BANK1: variants seen among roughly 807,000 people sequenced by gnomAD.
The protein encoded by BANK1 is B cell scaffold protein with ankyrin repeats 1, also known as B-cell scaffold protein with ankyrin repeats.
Under a neutral mutation model 94.5 loss-of-function variants are expected in BANK1, and 95 were observed. The observed-to-expected ratio is 1.00, with a 90% confidence interval of 0.85 to 1.19. The LOEUF (loss-of-function observed/expected upper bound fraction) is 1.19. BANK1 is among the 50% of genes most tolerant of loss of function. The pLI, the probability that BANK1 is intolerant of heterozygous loss-of-function variation, is 0.00. For synonymous variants in BANK1, 334 were observed against 308.4 expected, an observed-to-expected ratio of 1.08 and a Z score of -0.87; for missense variants, 987 against 932.2, an observed-to-expected ratio of 1.06 and a Z score of -0.77.
chr4:102,000,826 G>C (rs542438319), intron 7 of BANK1, among the ~76,000 whole-genome samples: 3 of 152,278 alleles, frequency 2.0e-5, no homozygotes, highest in East Asian at 3.9e-4. Flanking sequence ...TTTTCACCTT[G>C]TGCAAATCGA....
chr4:101,903,496 T>C lies in BANK1; in HGVS notation c.1009+8086T>C, dbSNP rs533431417. 1.2e-4 allele frequency among the ~76,000 whole-genome samples: 19 copies of C among 152,338 alleles called. No individual in the cohort carries two copies. The South Asian group carries it at 2.5e-3, about 20-fold the overall frequency. ...AAAGCCAGTCTACTACGTCATGTTC[T>C]TGGACAATAACACCAGTAGGTGAAT... On this transcript the variant is annotated intron_variant, in intron 6 of 16. Transcript: ENST00000322953.
chr4:101,831,202 T>C (rs941432686), intron 2 of BANK1, among the ~76,000 whole-genome samples: 3 of 152,108 alleles, frequency 2.0e-5, no homozygotes, highest in Non-Finnish European at 4.4e-5. Flanking sequence ...CCGGACAAAC[T>C]CTGGGCATAC....
intron 5 of BANK1, among the ~76,000 whole-genome samples, chr4:101,888,732 A>G (rs73836628): frequency 2.2e-3 from 329 of 152,358 alleles, no homozygotes; most frequent in African/African-American, 7.5e-3. Flanking sequence ...GATAGCTTAT[A>G]TAGAGCCTGG....
chr4:102,030,408 TG>T, intron 10 of BANK1, 143 bp downstream of exon 10: 1 of 759,858 alleles, frequency 1.3e-6, no homozygotes, highest in Non-Finnish European at 2.0e-6. Flanking sequence ...TAAGCTATAC[TG>T]GCTCATTTTT....
intron 4 of BANK1, among the ~76,000 whole-genome samples, chr4:101,864,800 G>C (rs1728006917): frequency 6.6e-6 from 1 of 152,114 alleles, no homozygotes; most frequent in African/African-American, 2.4e-5. Context: ...ATGAACTAGT[G>C]GTAACAGGCT....
intron 10 of BANK1, among the ~76,000 whole-genome samples, chr4:102,041,343 T>A (rs1028136532): frequency 2.6e-5 from 4 of 152,040 alleles, no homozygotes; most frequent in Admixed American, 6.6e-5. Context: ...CCTTGACAGG[T>A]GTGTTTGCTT....
intron 1 of BANK1, among the ~76,000 whole-genome samples, chr4:101,791,908 C>G (rs1401425817): frequency 6.6e-6 from 1 of 152,160 alleles, no homozygotes; most frequent in Non-Finnish European, 1.5e-5. Flanking sequence ...GAGCCCATAA[C>G]TTAATATTAT....
chr4:101,958,567 C>T (rs895308700), intron 7 of BANK1, among the ~76,000 whole-genome samples: 1 of 149,136 alleles, frequency 6.7e-6, no homozygotes, highest in Non-Finnish European at 1.5e-5. Context: ...CAAAGGACTA[C>T]TTTTCTATTC....
intron 7 of BANK1, among the ~76,000 whole-genome samples, chr4:101,962,222 C>A (rs988331908): frequency 6.6e-5 from 10 of 152,164 alleles, no homozygotes; most frequent in Non-Finnish European, 1.5e-4. Flanking sequence ...TACCAAGTGA[C>A]ATGGTTCAAC....
intron 7 of BANK1, among the ~76,000 whole-genome samples, chr4:101,959,144 GT>G (rs11419464): frequency 9.8e-4 from 146 of 148,800 alleles, no homozygotes; most frequent in African/African-American, 3.2e-3. Context: ...GTTTGTTTTT[GT>G]TTTTTTTTTG....
intron 6 of BANK1, among the ~76,000 whole-genome samples, chr4:101,902,840 G>T (rs1395887311): frequency 2.0e-5 from 3 of 152,216 alleles, no homozygotes; most frequent in Admixed American, 2.0e-4. Context: ...TTTAGTCAAA[G>T]GTCCTGGAAG....
chr4:102,030,050 AAG>A lies in BANK1; in HGVS notation c.1689_1690del (p.Lys564GlufsTer18). The A allele has an allele frequency of 6.2e-7, 1 of 1,613,932 alleles. No homozygotes were observed. Among genetic ancestry groups the A allele is most frequent in the Non-Finnish European group, 8.5e-7 (1 of 1,179,858 alleles). ...ACAGGAGATGAACCCAAAGGAGAAAAAGAGAAGAAAGAAGAGGAAAAAGAGCA... is the reference window on the plus strand; with the variant it reads ...ACAGGAGATGAACCCAAAGGAGAAAAAGAAGAAAGAAGAGGAAAAAGAGCA... On this transcript the variant is annotated frameshift_variant, in exon 10 of 17. Coordinates refer to ENST00000322953, the MANE Select transcript of BANK1 (RefSeq NM_017935.5). LOFTEE classifies it high-confidence loss of function.
chr4:101,909,623 C>T (rs1031454409), intron 6 of BANK1, among the ~76,000 whole-genome samples: 2 of 152,162 alleles, frequency 1.3e-5, no homozygotes, highest in African/African-American at 2.4e-5. Context: ...TCCTGTAAAC[C>T]TACAACCTTC....
At chr4:101,942,113 G>A (rs909673267) in intron 7 of BANK1, among the ~76,000 whole-genome samples, 1 of 151,798 alleles carries the variant, frequency 6.6e-6, no homozygotes, top group Non-Finnish European at 1.5e-5. Context: ...CCAGTCAGCA[G>A]GACTGAAACA....
chr4:102,058,377 C>G (rs1728306290), intron 11 of BANK1, among the ~76,000 whole-genome samples: 2 of 152,040 alleles, frequency 1.3e-5, no homozygotes, highest in Non-Finnish European at 2.9e-5. Flanking sequence ...AGACAAGAGT[C>G]TACCATACAT....
At chr4:101,845,955 G>T (rs960969243) in intron 2 of BANK1, among the ~76,000 whole-genome samples, 8 of 152,122 alleles carry the variant, frequency 5.3e-5, no homozygotes, top group Admixed American at 5.2e-4. Context: ...ATGTTGGTGT[G>T]CTGCACCCAT....
At chr4:102,051,867 C>T (rs919626372) in intron 11 of BANK1, among the ~76,000 whole-genome samples, 8 of 152,064 alleles carry the variant, frequency 5.3e-5, no homozygotes, top group Non-Finnish European at 1.0e-4. Flanking sequence ...ATGGGAAGGT[C>T]AAGAAGTCTG....
chr4:101,873,024 GA>G (rs200456743), intron 5 of BANK1, among the ~76,000 whole-genome samples: 5 of 148,970 alleles, frequency 3.4e-5, no homozygotes, highest in South Asian at 4.3e-4. Flanking sequence ...AAAGTAAAAA[GA>G]AAAAAAAACC....
At chr4:101,992,938 T>C (rs776435395) in intron 7 of BANK1, among the ~76,000 whole-genome samples, 1 of 152,152 alleles carries the variant, frequency 6.6e-6, no homozygotes, top group African/African-American at 2.4e-5. Flanking sequence ...ATTCAGGACT[T>C]TCAGAGCTAA....
Sources: allele counts gnomAD v4.1 joint callset (sites outside exome capture counted in the v4.1 genomes callset), GRCh38; gene constraint gnomAD v4.1.1; transcripts MANE v1.5; gene names NCBI Gene and HGNC (gene_info 2026-07-23, HGNC 2026-07-21).